The following ZDHHC7 variants were observed in gnomAD, a reference collection of about 807,000 sequenced individuals.
The protein encoded by ZDHHC7 is palmitoyltransferase ZDHHC7.
A neutral mutation model predicts 34.1 loss-of-function variants in ZDHHC7; 12 were observed. The observed-to-expected ratio is 0.35, with a 90% CI of 0.23 to 0.57. The LOEUF is 0.57. Ranked by LOEUF, ZDHHC7 falls within the 20% of genes least tolerant of loss-of-function variation. The pLI is 0.84. For synonymous variants in ZDHHC7, 185 were observed against 155.4 expected (o/e 1.19, Z -1.42); for missense variants, 388 against 402.7 (o/e 0.96, Z 0.31).
At position 84,990,521 on chromosome 16, in the gene ZDHHC7, G is replaced by A. The variant is rs2072495482; in HGVS notation, c.98C>T (p.Ala33Val). The A allele has an allele frequency of 6.2e-7, 1 of 1,614,198 alleles. No individual in the cohort carries two copies. The highest frequency in any genetic ancestry group is 2.2e-5 in the East Asian group (1 of 44,872). ...YDSSSSSSSE[A>V]DVADRVWFIR... ...GAACCAGACCCGGTCAGCCACGTCA[G>A]CCTCGGAGGAGGAGGACGATGAAGA... The change falls in exon 3 of 8, where the codon GCT becomes GTT. Residue 33 changes from alanine (A) to valine (V), a missense_variant. Coordinates refer to ENST00000313732, the MANE Select transcript of ZDHHC7 (RefSeq NM_017740.3).
chr16:85,021,138 G>A, the ZDHHC7 span, among the ~76,000 whole-genome samples: 1 of 151,756 alleles, frequency 6.6e-6, no homozygotes, highest in Admixed American at 6.6e-5. Flanking sequence ...AGGGGGGGGT[G>A]CACAGTGGCT....
At chr16:85,003,315 A>G (rs1258385164) in intron 1 of ZDHHC7, among the ~76,000 whole-genome samples, 1 of 152,190 alleles carries the variant, frequency 6.6e-6, no homozygotes, top group Non-Finnish European at 1.5e-5. Context: ...ACGGGGCCAC[A>G]TCCCAGGTAT....
chr16:85,020,500 A>C, the ZDHHC7 span, among the ~76,000 whole-genome samples: 5 of 152,214 alleles, frequency 3.3e-5, no homozygotes, highest in Non-Finnish European at 4.4e-5. Flanking sequence ...TCTGGAGGTC[A>C]CATGCAGGGA....
At chr16:84,982,866 C>T (rs1429615084) in intron 3 of ZDHHC7, among the ~76,000 whole-genome samples, 1 of 152,220 alleles carries the variant, frequency 6.6e-6, no homozygotes, top group East Asian at 1.9e-4. Flanking sequence ...CTGTGAGCTG[C>T]TGGTAAGGGG....
At chr16:84,980,383 C>T (rs939920804) in intron 4 of ZDHHC7, among the ~76,000 whole-genome samples, 1 of 152,004 alleles carries the variant, frequency 6.6e-6, no homozygotes, top group Non-Finnish European at 1.5e-5. Context: ...AATTTATATA[C>T]CATAGGTCAG....
At chr16:85,016,232 G>C (rs749203337), upstream of ZDHHC7, among the ~76,000 whole-genome samples, 1 of 151,984 alleles carries the variant, frequency 6.6e-6, no homozygotes, top group Non-Finnish European at 1.5e-5. Flanking sequence ...ATGTTGCCCA[G>C]GCTGGTCTCA....
At position 84,989,456 on chromosome 16, in the gene ZDHHC7, G is replaced by A. The variant is rs1210507089; in HGVS notation, c.315+848C>T. On this transcript the variant is annotated intron_variant, in intron 3 of 7. Transcript: ENST00000313732. ...CATGCCTGTAATCTCAGCACTTTGG[G>A]AGGCCAAGGCGGGTGGATCACCTGA... 2.6e-5 allele frequency among the ~76,000 whole-genome samples: 4 copies of A among 152,168 alleles called. No individual in the cohort carries two copies. In the East Asian group the frequency reaches 7.7e-4, roughly 29 times the overall value.
At chr16:85,011,027 G>T (rs1308032755) in intron 1 of ZDHHC7, among the ~76,000 whole-genome samples, 1 of 152,248 alleles carries the variant, frequency 6.6e-6, no homozygotes, top group Non-Finnish European at 1.5e-5. Context: ...TGAGTGTCAC[G>T]CCCAAGGTCA....
intron 1 of ZDHHC7, among the ~76,000 whole-genome samples, chr16:85,009,197 A>G (rs2072756890): frequency 6.6e-6 from 1 of 152,082 alleles, no homozygotes; most frequent in South Asian, 2.1e-4. Flanking sequence ...ACTTATTTCT[A>G]CACCCATTTT....
intron 1 of ZDHHC7, among the ~76,000 whole-genome samples, chr16:84,996,346 G>T (rs1346771223): frequency 1.3e-5 from 2 of 152,134 alleles, no homozygotes; most frequent in African/African-American, 4.8e-5. Flanking sequence ...CCGTCGATAA[G>T]CTGATTTACT....
the ZDHHC7 span, among the ~76,000 whole-genome samples, chr16:85,023,992 A>G: frequency 1.3e-5 from 2 of 152,158 alleles, no homozygotes; most frequent in African/African-American, 4.8e-5. Context: ...ATCTCAGCTC[A>G]CTGCAACCTC....
chr16:85,019,251 C>T, the ZDHHC7 span, among the ~76,000 whole-genome samples: 3 of 152,206 alleles, frequency 2.0e-5, no homozygotes, highest in African/African-American at 7.2e-5. Context: ...TCACCTGTAT[C>T]CTTCACTTAC....
At chr16:85,012,255 C>T (rs559513289), upstream of ZDHHC7, among the ~76,000 whole-genome samples, 3 of 151,864 alleles carry the variant, frequency 2.0e-5, no homozygotes, top group East Asian at 1.9e-4. Context: ...TAGTGGTGCA[C>T]GCCTGTAATC....
intron 3 of ZDHHC7, chr16:84,988,952 G>C: frequency 7.3e-7 from 1 of 1,364,576 alleles, no homozygotes; most frequent in Non-Finnish European, 1.0e-6. Context: ...CGAAGTGCCT[G>C]GGCACTTTGG....
the ZDHHC7 span, among the ~76,000 whole-genome samples, chr16:85,025,224 T>C: frequency 1.3e-5 from 2 of 151,342 alleles, no homozygotes; most frequent in Admixed American, 6.6e-5. Flanking sequence ...GTTGCTGAGA[T>C]TGCGTCACTG....
At chr16:84,985,645 G>C (rs889136434) in intron 3 of ZDHHC7, among the ~76,000 whole-genome samples, 17 of 151,972 alleles carry the variant, frequency 1.1e-4, no homozygotes, top group Non-Finnish European at 1.9e-4. Flanking sequence ...CTGATTCAAG[G>C]GAAAAAAATT....
chr16:84,987,094 C>T (rs997406326), intron 3 of ZDHHC7, among the ~76,000 whole-genome samples: 1 of 152,210 alleles, frequency 6.6e-6, no homozygotes, highest in African/African-American at 2.4e-5. Flanking sequence ...AGCCTGAGGA[C>T]AGCTGCCAGC....
chr16:84,979,540 C>T (rs1567492304), intron 4 of ZDHHC7, among the ~76,000 whole-genome samples: 1 of 152,176 alleles, frequency 6.6e-6, no homozygotes, highest in Non-Finnish European at 1.5e-5. Flanking sequence ...CACGAGTTCT[C>T]AGACACTCCC....
intron 3 of ZDHHC7, among the ~76,000 whole-genome samples, chr16:84,989,459 G>T (rs2072479492): frequency 6.6e-6 from 1 of 152,160 alleles, no homozygotes; most frequent in Non-Finnish European, 1.5e-5. Flanking sequence ...ACTTTGGGAG[G>T]CCAAGGCGGG....
Sources: allele counts gnomAD v4.1 joint callset (sites outside exome capture counted in the v4.1 genomes callset), GRCh38; gene constraint gnomAD v4.1.1; transcripts MANE v1.5; gene names NCBI Gene and HGNC (gene_info 2026-07-23, HGNC 2026-07-21).